Variants in FSTL5 observed in about 807,000 individuals in gnomAD.
FSTL5 encodes the protein follistatin like 5.
In FSTL5, 62 loss-of-function variants were observed where a neutral mutation model predicts 89.1. The ratio of observed to expected loss-of-function variants is 0.70; its 90% CI spans 0.57 to 0.86. FSTL5 has a LOEUF of 0.86. FSTL5 is among the 40% of genes least tolerant of loss of function. FSTL5 has a pLI of 0.00. For synonymous variants in FSTL5, 383 were observed against 346.2 expected (o/e 1.11, Z -1.18); for missense variants, 1,057 against 1,001.6 (o/e 1.06, Z -0.75).
intron 15 of FSTL5, among the ~76,000 whole-genome samples, chr4:161,433,390 G>A (rs1243033304): frequency 6.6e-6 from 1 of 151,742 alleles, no homozygotes; most frequent in Non-Finnish European, 1.5e-5. Context: ...AAAAAAACTG[G>A]TTTTAGAGGG....
At chr4:161,584,287 G>T (rs1026278330) in intron 8 of FSTL5, among the ~76,000 whole-genome samples, 3 of 152,166 alleles carry the variant, frequency 2.0e-5, no homozygotes, top group Admixed American at 1.3e-4. Flanking sequence ...ACGTCCTCAT[G>T]CTCCTACACT....
In FSTL5 at chr4:161,656,509, T is replaced by C. The variant is rs1736524273; in HGVS notation, c.728-15A>G. On this transcript the variant is annotated splice_polypyrimidine_tract_variant and intron_variant, in intron 6 of 15. Transcript: ENST00000306100. ...CTGGATCACTTCTGTAAAGATGAAG[T>C]GTCAGTAATGTTGATGAGCATTTAG... 6.7e-7 allele frequency: 1 copy of C among 1,486,194 alleles called. No individual in the cohort carries two copies. The highest frequency in any genetic ancestry group is 1.4e-5 in the African/African-American group (1 of 69,834). The allele number at this position is 1,486,194 out of a possible 1,614,324, so 92.1% of individuals were successfully genotyped here.
At chr4:161,760,403 G>GTTGT (rs981815308) in intron 5 of FSTL5, among the ~76,000 whole-genome samples, 2 of 152,270 alleles carry the variant, frequency 1.3e-5, no homozygotes, top group Admixed American at 1.3e-4. Flanking sequence ...TGGTTGGTTG[G>GTTGT]TTGGTTTGTT....
At chr4:161,641,888 T>A (rs923021328) in intron 7 of FSTL5, among the ~76,000 whole-genome samples, 3 of 152,128 alleles carry the variant, frequency 2.0e-5, no homozygotes, top group African/African-American at 7.2e-5. Flanking sequence ...GAAAAAATAA[T>A]TTAAACTTTT....
chr4:161,451,772 T>A (rs1047003782), intron 15 of FSTL5, among the ~76,000 whole-genome samples: 1 of 152,186 alleles, frequency 6.6e-6, no homozygotes, highest in African/African-American at 2.4e-5. Flanking sequence ...AATCCATATA[T>A]AGGAAACACA....
chr4:161,898,773 G>A (rs977864010), intron 4 of FSTL5, among the ~76,000 whole-genome samples: 2 of 151,884 alleles, frequency 1.3e-5, no homozygotes, highest in African/African-American at 2.4e-5. Flanking sequence ...GGGACTACAG[G>A]CGCCCGCCAC....
intron 4 of FSTL5, among the ~76,000 whole-genome samples, chr4:161,805,187 G>C (rs906181046): frequency 1.4e-4 from 21 of 152,000 alleles, no homozygotes; most frequent in Admixed American, 5.2e-4. Flanking sequence ...TATAATTTTT[G>C]CATGAGTTCT....
intron 4 of FSTL5, among the ~76,000 whole-genome samples, chr4:161,850,888 G>A (rs1731528133): frequency 6.6e-6 from 1 of 152,148 alleles, no homozygotes; most frequent in Non-Finnish European, 1.5e-5. Flanking sequence ...TGGAGCTGGG[G>A]TCTGTCAGGG....
At chr4:161,927,271 A>T (rs1578867045) in intron 3 of FSTL5, among the ~76,000 whole-genome samples, 1 of 151,874 alleles carries the variant, frequency 6.6e-6, no homozygotes, top group Non-Finnish European at 1.5e-5. Context: ...AAAATATTTC[A>T]GGCTTTGGAA....
In FSTL5 at chr4:161,532,239, G is replaced by A. The variant is rs1053473500; in HGVS notation, c.1312+5927C>T. On this transcript the variant is annotated intron_variant, in intron 10 of 15. Transcript: ENST00000306100. ...GAAATTATTTTTAGAAAACAAATGT[G>A]AGTCAGAGGAAGAGCTACTTTATGT... Among the ~76,000 whole-genome samples, 4 of 151,990 alleles carry A rather than the reference G, an allele frequency of 2.6e-5. No individual in the cohort carries two copies. In the East Asian group the frequency reaches 7.7e-4, roughly 29 times the overall value.
rs72683724 is a variant in FSTL5, at chr4:161,482,712, T to A, written c.1459-1543A>T. The stretch of plus-strand genomic sequence containing the variant: ...CATAACCATCATAGGTGGTTTTCCT[T>A]TTTGCATAAAATTTGGAAATTAATG... On this transcript the variant is annotated intron_variant, in intron 12 of 15. Coordinates refer to ENST00000306100, the MANE Select transcript of FSTL5 (RefSeq NM_020116.5). Among the ~76,000 whole-genome samples, 1,486 of 152,272 alleles carry A rather than the reference T, an allele frequency of 9.8e-3. 9 individuals carry two copies. Among genetic ancestry groups the A allele is most frequent in the Non-Finnish European group, 0.016 (1,084 of 68,016 alleles).
intron 2 of FSTL5, among the ~76,000 whole-genome samples, chr4:162,088,359 C>T (rs1313149931): frequency 1.3e-5 from 2 of 151,806 alleles, no homozygotes; most frequent in African/African-American, 4.8e-5. Flanking sequence ...TTTGAAGTTG[C>T]TTGGAAAATT....
intron 8 of FSTL5, among the ~76,000 whole-genome samples, chr4:161,579,448 T>TG (rs1267258039): frequency 6.6e-6 from 1 of 152,062 alleles, no homozygotes; most frequent in African/African-American, 2.4e-5. Flanking sequence ...CTGGGCACGG[T>TG]GGCTCACACT....
rs374431804 is a variant in FSTL5 at position 161,800,781 on chromosome 4, TTATAA to T, written c.410-24712_410-24708del. 2.9e-4 allele frequency among the ~76,000 whole-genome samples: 44 copies of T among 151,688 alleles called. 1 individual carries two copies. The East Asian group carries it at 5.6e-3, about 19-fold the overall frequency. ...TGTGAACTAAAAACTGTGTAAGTAG[TTATAA>T]TAGAGTGTTCTTCAGGAAGTATAAA... On this transcript the variant is annotated intron_variant, in intron 4 of 15. Coordinates refer to ENST00000306100, the MANE Select transcript of FSTL5 (RefSeq NM_020116.5).
chr4:161,742,907 C>A (rs1434616), intron 6 of FSTL5, among the ~76,000 whole-genome samples: 141,521 of 152,144 alleles, frequency 0.93, 66,082 homozygotes, highest in East Asian at 0.98. Context: ...ATATAAAATG[C>A]AGATATTCGT....
intron 4 of FSTL5, among the ~76,000 whole-genome samples, chr4:161,892,908 T>C (rs1464803608): frequency 6.6e-6 from 1 of 152,138 alleles, no homozygotes; most frequent in Admixed American, 6.5e-5. Context: ...ATTTCAAAAA[T>C]ATTTGCCATA....
chr4:161,466,679 C>A (rs915350151), intron 13 of FSTL5, among the ~76,000 whole-genome samples: 3 of 152,036 alleles, frequency 2.0e-5, no homozygotes, highest in African/African-American at 7.2e-5. Flanking sequence ...ACAACATCAC[C>A]TGTATGACAT....
At chr4:161,807,237 T>G (rs1467024833) in intron 4 of FSTL5, among the ~76,000 whole-genome samples, 1 of 125,908 alleles carries the variant, frequency 7.9e-6, no homozygotes. Flanking sequence ...ACATATATAT[T>G]TGTAGAGATG....
At chr4:161,692,922 C>A (rs1737996629) in intron 6 of FSTL5, among the ~76,000 whole-genome samples, 1 of 152,060 alleles carries the variant, frequency 6.6e-6, no homozygotes, top group African/African-American at 2.4e-5. Flanking sequence ...AGGAGTTTCA[C>A]CATGCTGGCC....
Sources: gnomAD v4.1 joint callset for allele counts (sites outside exome capture counted in the v4.1 genomes callset) on GRCh38, gnomAD v4.1.1 for gene constraint, MANE v1.5 for transcripts, NCBI Gene and HGNC (gene_info 2026-07-23, HGNC 2026-07-21) for gene names.